The following PPP2R5C variants were observed in gnomAD, a reference collection of about 807,000 sequenced individuals.
PPP2R5C encodes the protein protein phosphatase 2 regulatory subunit B'gamma.
Under a neutral mutation model 68.9 loss-of-function variants are expected in PPP2R5C, and 7 were observed. The observed-to-expected ratio is 0.10, with a 90% CI of 0.06 to 0.19. PPP2R5C has a LOEUF of 0.19. PPP2R5C is among the 10% of genes least tolerant of loss of function. The probability of loss-of-function intolerance (pLI) is 1.00; values close to 1 mark genes in which losing one functional copy is unlikely to be tolerated. For missense variants in PPP2R5C, 348 were observed against 641.3 expected (o/e 0.54, Z 4.94); for synonymous variants, 210 against 222.2 (o/e 0.95, Z 0.49).
rs191024101 is a variant in PPP2R5C, at chr14:101,778,029, C to G, written c.94-7989C>G. ...AAGCAATCCTCCTGCCTCAGCCTCC[C>G]AAAGTGCTGGGGTTAGAGGCATGAG... On this transcript the variant is annotated intron_variant, in intron 2 of 14. Coordinates refer to the PPP2R5C transcript ENST00000328724. Among the ~76,000 whole-genome samples the G allele has an allele frequency of 1.0e-3, 157 of 152,310 alleles. No homozygotes were observed. In the Middle Eastern group the frequency reaches 0.065, roughly 63 times the overall value.
intron 2 of PPP2R5C, chr14:101,765,545 A>T (rs2036807050): frequency 3.3e-6 from 1 of 299,966 alleles, no homozygotes; most frequent in East Asian, 6.2e-5. Context: ...AATAGGCTTG[A>T]CATTCCCATG....
chr14:101,814,221 C>T (rs1457758368), intron 1 of PPP2R5C, among the ~76,000 whole-genome samples: 7 of 152,220 alleles, frequency 4.6e-5, no homozygotes, highest in Admixed American at 1.3e-4. Flanking sequence ...ATCCTCTGAA[C>T]AGTGCCTCAG....
At chr14:101,852,524 A>G (rs1295710060) in intron 1 of PPP2R5C, among the ~76,000 whole-genome samples, 5 of 139,876 alleles carry the variant, frequency 3.6e-5, no homozygotes, top group African/African-American at 1.4e-4. Context: ...GTGGGAATAC[A>G]GTGGTGTGAT....
At chr14:101,859,194 C>T (rs2042612389) in intron 2 of PPP2R5C, among the ~76,000 whole-genome samples, 1 of 152,222 alleles carries the variant, frequency 6.6e-6, no homozygotes, top group South Asian at 2.1e-4. Context: ...CTTTCATTTT[C>T]ACCTAAAGCT....
At chr14:101,837,610 G>A (rs775861725) in intron 1 of PPP2R5C, among the ~76,000 whole-genome samples, 9 of 152,206 alleles carry the variant, frequency 5.9e-5, no homozygotes, top group Admixed American at 2.0e-4. Flanking sequence ...GAGTCCCTTG[G>A]GGCAGAGAAG....
chr14:101,925,447 C>A, exon 14 of PPP2R5C: 1 of 1,165,872 alleles, frequency 8.6e-7, no homozygotes, highest in South Asian at 1.8e-5. Flanking sequence ...ACAATGGTGA[C>A]TTCCCAGAGC....
chr14:101,784,348 G>A (rs963898991), intron 2 of PPP2R5C, among the ~76,000 whole-genome samples: 1 of 152,096 alleles, frequency 6.6e-6, no homozygotes. Context: ...TTTTCACACA[G>A]CTATAAAAAA....
intron 2 of PPP2R5C, among the ~76,000 whole-genome samples, chr14:101,861,736 C>T (rs1006114508): frequency 9.9e-5 from 15 of 152,128 alleles, no homozygotes; most frequent in African/African-American, 3.4e-4. Context: ...CCAAACATGC[C>T]GCTGTTTTCA....
intron 1 of PPP2R5C, among the ~76,000 whole-genome samples, chr14:101,833,189 G>A (rs1421718750): frequency 1.3e-5 from 2 of 152,206 alleles, no homozygotes; most frequent in South Asian, 2.1e-4. Flanking sequence ...ACGCCAAGCC[G>A]CCCTGGAGTG....
chr14:101,775,918 G>T (rs917647960), intron 2 of PPP2R5C, among the ~76,000 whole-genome samples: 5 of 151,948 alleles, frequency 3.3e-5, no homozygotes, highest in Non-Finnish European at 1.5e-5. Context: ...CCCCGTGTCT[G>T]TTCAGTGGAG....
chr14:101,895,726 C>T (rs1270093338), intron 8 of PPP2R5C, among the ~76,000 whole-genome samples: 1 of 152,096 alleles, frequency 6.6e-6, no homozygotes, highest in Non-Finnish European at 1.5e-5. Context: ...TCAGTGTACA[C>T]CTGGGTTGTT....
chr14:101,908,574 A>T (rs1366251722), intron 10 of PPP2R5C, among the ~76,000 whole-genome samples: 2 of 151,898 alleles, frequency 1.3e-5, no homozygotes, highest in African/African-American at 2.4e-5. Flanking sequence ...GGGTTTCACC[A>T]TGTTGGCCAG....
At chr14:101,774,059 G>A (rs934074050) in intron 2 of PPP2R5C, among the ~76,000 whole-genome samples, 2 of 152,344 alleles carry the variant, frequency 1.3e-5, no homozygotes, top group Admixed American at 6.5e-5. Flanking sequence ...AGGGAAGTAA[G>A]AGGATCTTCC....
intron 2 of PPP2R5C, among the ~76,000 whole-genome samples, chr14:101,881,348 C>T (rs920473332): frequency 2.0e-5 from 3 of 152,060 alleles, no homozygotes; most frequent in Non-Finnish European, 4.4e-5. Context: ...TGTGATGAGT[C>T]GAGTTCGCAC....
chr14:101,843,771 A>G, intron 1 of PPP2R5C: 1 of 222,966 alleles, frequency 4.5e-6, no homozygotes. Flanking sequence ...TTTCTGTGGA[A>G]CCTTGCTGCC....
At chr14:101,870,909 AATTGTTT>A (rs2043367739) in intron 2 of PPP2R5C, among the ~76,000 whole-genome samples, 1 of 152,014 alleles carries the variant, frequency 6.6e-6, no homozygotes, top group African/African-American at 2.4e-5. Flanking sequence ...TCCCATTTGT[AATTGTTT>A]ATTGTCTTGT....
exon 2 of PPP2R5C, chr14:101,856,842 G>A (rs375065027): frequency 8.7e-6 from 14 of 1,614,124 alleles, no homozygotes; most frequent in Admixed American, 3.3e-5. Context: ...ACCCATAATC[G>A]GAATGTGATC....
At chr14:101,901,832 G>A in exon 9 of PPP2R5C, 1 of 1,614,220 alleles carries the variant, frequency 6.2e-7, no homozygotes, top group East Asian at 2.2e-5. Flanking sequence ...AATTTGTGAA[G>A]ATCATGGAAC....
chr14:101,922,331 A>G (rs1312881997), intron 13 of PPP2R5C: 3 of 363,040 alleles, frequency 8.3e-6, no homozygotes, highest in Non-Finnish European at 1.1e-5. Context: ...TCTACTAAAT[A>G]ACAAAAAATT....
Sources: gnomAD v4.1 joint callset for allele counts (sites outside exome capture counted in the v4.1 genomes callset) on GRCh38, gnomAD v4.1.1 for gene constraint, MANE v1.5 for transcripts, NCBI Gene and HGNC (gene_info 2026-07-23, HGNC 2026-07-21) for gene names.